LRRK2: variants seen among roughly 807,000 people sequenced by gnomAD.
LRRK2 encodes leucine-rich repeat serine/threonine-protein kinase 2.
In LRRK2, 203 loss-of-function variants were observed where a neutral mutation model predicts 302.6. The ratio of observed to expected loss-of-function variants is 0.67; its 90% confidence interval spans 0.60 to 0.75. LRRK2 has a LOEUF of 0.75. LRRK2 is among the 30% of genes least tolerant of loss of function. LRRK2 has a pLI of 0.00. For synonymous variants in LRRK2, 1,066 were observed against 1,031.9 expected, an observed-to-expected ratio of 1.03 and a Z score of -0.63; for missense variants, 2,830 against 2,951.0, an observed-to-expected ratio of 0.96 and a Z score of 0.95.
intron 40 of LRRK2, among the ~76,000 whole-genome samples, chr12:40,339,048 T>A (rs1013695108): frequency 3.3e-5 from 5 of 152,178 alleles, no homozygotes; most frequent in Non-Finnish European, 1.5e-5. Context: ...AGAGAGAGAA[T>A]CTTCAGCTGT....
At chr12:40,240,249 A>G (rs879939712) in intron 5 of LRRK2, among the ~76,000 whole-genome samples, 1 of 152,146 alleles carries the variant, frequency 6.6e-6, no homozygotes, top group African/African-American at 2.4e-5. Context: ...GCACTTTTAC[A>G]TTTCAAAACA....
At position 40,284,134 on chromosome 12, in the gene LRRK2, G is replaced by A; in HGVS notation, c.2500+1G>A. 3 of 1,605,868 alleles carry A rather than the reference G, an allele frequency of 1.9e-6. No individual in the cohort carries two copies. Among genetic ancestry groups the A allele is most frequent in the Non-Finnish European group, 2.6e-6 (3 of 1,174,050 alleles). On this transcript the variant is annotated splice_donor_variant, in intron 19 of 50. Coordinates refer to ENST00000298910, the MANE Select transcript of LRRK2 (RefSeq NM_198578.4). LOFTEE classifies it high-confidence loss of function. ...ACTTCTAATTTAAGGAAACAAACAA[G>A]TAAGTAACAAGGAGAATATTTTTTA...
chr12:40,260,974 C>T (rs1942746889), intron 13 of LRRK2, among the ~76,000 whole-genome samples: 1 of 152,118 alleles, frequency 6.6e-6, no homozygotes, highest in African/African-American at 2.4e-5. Context: ...TTTTGTTTCT[C>T]TGTATAAGAG....
At chr12:40,249,796 A>T (rs1207993727) in intron 7 of LRRK2, 30 bp from the exon 8 acceptor site, 1 of 1,611,766 alleles carries the variant, frequency 6.2e-7, no homozygotes, top group Non-Finnish European at 8.5e-7. Context: ...CATGGATGAG[A>T]ATTCAGCTAA....
At chr12:40,263,993 T>C in intron 14 of LRRK2, 92 bp downstream of exon 14, 1 of 880,362 alleles carries the variant, frequency 1.1e-6, no homozygotes, top group Non-Finnish European at 1.9e-6. Context: ...AAGTTTTCTG[T>C]TCTCCGTTTG....
chr12:40,229,169 C>T (rs1941052183), intron 2 of LRRK2, among the ~76,000 whole-genome samples: 2 of 152,178 alleles, frequency 1.3e-5, no homozygotes, highest in South Asian at 4.1e-4. Context: ...AGTATTTTTC[C>T]TTCAGATTTC....
At chr12:40,236,395 C>T (rs1941468171) in intron 4 of LRRK2, among the ~76,000 whole-genome samples, 1 of 152,092 alleles carries the variant, frequency 6.6e-6, no homozygotes, top group Non-Finnish European at 1.5e-5. Context: ...GTCTGATTCT[C>T]CATGTCAGGT....
intron 46 of LRRK2, among the ~76,000 whole-genome samples, chr12:40,358,658 G>T (rs1325151464): frequency 6.6e-6 from 1 of 152,108 alleles, no homozygotes; most frequent in Non-Finnish European, 1.5e-5. Context: ...GTAGTGTGAT[G>T]CCTCCAGCTT....
At chr12:40,326,106 G>C in intron 38 of LRRK2, among the ~76,000 whole-genome samples, 1 of 152,148 alleles carries the variant, frequency 6.6e-6, no homozygotes, top group Admixed American at 6.6e-5. Flanking sequence ...TCACCTGAAA[G>C]ACATGACAAT....
chr12:40,359,243 T>TC lies in LRRK2; in HGVS notation c.6844-17_6844-16insC, dbSNP rs1946632127. On this transcript the variant is annotated splice_polypyrimidine_tract_variant and intron_variant, in intron 46 of 50. Coordinates refer to ENST00000298910, the MANE Select transcript of LRRK2 (RefSeq NM_198578.4). ...TACTCAATTTGCTGAGTGTGTTTTC[T>TC]TTTTTTTTTGGCAAAGCTTAAAGGA... The TC allele has an allele frequency of 7.6e-7, 1 of 1,317,906 alleles. No individual in the cohort carries two copies. The highest frequency in any genetic ancestry group is 1.0e-6 in the Non-Finnish European group (1 of 1,000,750). The allele number at this position is 1,317,906 out of a possible 1,614,324, so 81.6% of individuals were successfully genotyped here. A position where few individuals can be genotyped will look rare whatever the true frequency, so the allele number is the denominator to read the frequency against.
rs142060367 is a variant in LRRK2, at chr12:40,251,619, G to A, written c.1181+75G>A. On this transcript the variant is annotated intron_variant, in intron 10 of 50. Transcript: ENST00000298910. ...TCAATACCTATAAAATACCTTAACC[G>A]TAACTTTTATTGTTAGAAATATTTT... 237 of 1,245,226 alleles carry A rather than the reference G, an allele frequency of 1.9e-4. No homozygotes were observed. The East Asian group carries it at 2.4e-3, about 13-fold the overall frequency. 77.1% of individuals were successfully genotyped at this position (1,245,226 alleles called of 1,614,324 possible). A position where few individuals can be genotyped will look rare whatever the true frequency, so the allele number is the denominator to read the frequency against.
chr12:40,307,781 C>CTTTTTTTTTTTTT (rs201473630), intron 28 of LRRK2, among the ~76,000 whole-genome samples: 2 of 119,410 alleles, frequency 1.7e-5, no homozygotes, highest in African/African-American at 3.2e-5. Context: ...CTTTTCTTTT[C>CTTTTTTTTTTTTT]TTTTTTTTTT....
Position 40,315,231 on chromosome 12 carries a change from A to C in LRRK2, c.4758A>C (p.Gln1586His). 6.2e-7 allele frequency: 1 copy of C among 1,612,502 alleles called. No homozygotes were observed. Among genetic ancestry groups the C allele is most frequent in the Non-Finnish European group, 8.5e-7 (1 of 1,178,762 alleles). The change falls in exon 33 of 51, where the codon CAA (glutamine) becomes CAC (histidine). Residue 1586 changes from glutamine (Q) to histidine (H), a missense_variant. Transcript: ENST00000298910. ...CTACAGGAGTCCTTCTTCATTTTCA[A>C]GACCCAGCACTGCAGTTAAGTGACT... ...LNESGVLLHF[Q>H]DPALQLSDLY...
intron 38 of LRRK2, among the ~76,000 whole-genome samples, chr12:40,323,575 C>T (rs905848208): frequency 2.6e-5 from 4 of 151,974 alleles, no homozygotes; most frequent in African/African-American, 9.7e-5. Context: ...TTGTATTTGC[C>T]TTAATTGCCA....
chr12:40,345,559 G>T (rs1225858173), intron 41 of LRRK2, among the ~76,000 whole-genome samples: 1 of 132,480 alleles, frequency 7.5e-6, no homozygotes, highest in Non-Finnish European at 1.6e-5. Context: ...GGAGGCAGAG[G>T]TTGCAGTAAG....
At chr12:40,319,227 C>T (rs1248127637) in intron 33 of LRRK2, among the ~76,000 whole-genome samples, 2 of 152,044 alleles carry the variant, frequency 1.3e-5, no homozygotes, top group Non-Finnish European at 2.9e-5. Flanking sequence ...ATTTCATTCT[C>T]AGGGCAATCT....
intron 50 of LRRK2, 110 bp downstream of exon 50, chr12:40,367,187 A>G: frequency 1.1e-6 from 1 of 928,394 alleles, no homozygotes; most frequent in South Asian, 1.5e-5. Flanking sequence ...TATAATCAGG[A>G]ATTTTAATTG....
chr12:40,310,695 C>T, intron 31 of LRRK2, 46 bp downstream of exon 31: 1 of 1,585,856 alleles, frequency 6.3e-7, no homozygotes, highest in South Asian at 1.1e-5. Flanking sequence ...TGATTCTCAA[C>T]TGCCTAGAAA....
chr12:40,276,689 G>A (rs890121959), intron 16 of LRRK2, among the ~76,000 whole-genome samples: 11 of 152,302 alleles, frequency 7.2e-5, no homozygotes, highest in African/African-American at 2.6e-4. Flanking sequence ...TGTTTTCAGA[G>A]ACCTCTGCTC....
Sources: allele counts gnomAD v4.1 joint callset (sites outside exome capture counted in the v4.1 genomes callset), GRCh38; gene constraint gnomAD v4.1.1; transcripts MANE v1.5; gene names NCBI Gene and HGNC (gene_info 2026-07-23, HGNC 2026-07-21).